CNTN4: variants seen among roughly 807,000 people sequenced by gnomAD.
The protein encoded by CNTN4 is contactin-4.
CNTN4 carries 77 observed loss-of-function variants against 122.5 expected under a neutral mutation model. The ratio of observed to expected loss-of-function variants is 0.63; its 90% CI spans 0.52 to 0.76. The LOEUF is 0.76. CNTN4 is among the 30% of genes least tolerant of loss of function. The probability of loss-of-function intolerance (pLI) is 0.00; values close to 1 mark genes in which losing one functional copy is unlikely to be tolerated. For missense variants in CNTN4, 1,256 were observed against 1,259.1 expected (o/e 1.00, Z 0.04); for synonymous variants, 512 against 447.0 (o/e 1.15, Z -1.83).
intron 13 of CNTN4, among the ~76,000 whole-genome samples, chr3:2,959,100 G>A (rs1284344870): frequency 2.6e-5 from 4 of 152,082 alleles, no homozygotes; most frequent in East Asian, 1.9e-4. Flanking sequence ...TTCCCCAGAC[G>A]GTGCTAAGTA....
At chr3:2,844,710 G>A (rs762066903) in intron 7 of CNTN4, among the ~76,000 whole-genome samples, 4 of 152,230 alleles carry the variant, frequency 2.6e-5, no homozygotes, top group African/African-American at 9.6e-5. Flanking sequence ...GGAAGCATAT[G>A]TAGAGACTTT....
At chr3:2,948,407 A>G (rs903748309) in intron 13 of CNTN4, among the ~76,000 whole-genome samples, 1 of 152,164 alleles carries the variant, frequency 6.6e-6, no homozygotes, top group Non-Finnish European at 1.5e-5. Flanking sequence ...ACTCATTTTG[A>G]TGAACTTGGG....
intron 2 of CNTN4, among the ~76,000 whole-genome samples, chr3:2,237,347 T>G (rs1165809606): frequency 1.3e-5 from 2 of 152,142 alleles, no homozygotes; most frequent in Non-Finnish European, 2.9e-5. Context: ...TGGTTACTCC[T>G]GTTTGTAGTC....
At chr3:2,924,920 A>G (rs6781913) in intron 12 of CNTN4, among the ~76,000 whole-genome samples, 61,889 of 152,024 alleles carry the variant, frequency 0.41, 13,296 homozygotes, top group East Asian at 0.7. Flanking sequence ...ATCAGAGAGC[A>G]AATGCTTTAA....
chr3:2,266,519 A>G (rs1157018497), intron 2 of CNTN4, among the ~76,000 whole-genome samples: 2 of 151,940 alleles, frequency 1.3e-5, no homozygotes, highest in African/African-American at 2.4e-5. Flanking sequence ...TCTCCCCCCA[A>G]CAAGATGGAG....
intron 3 of CNTN4, among the ~76,000 whole-genome samples, chr3:2,509,687 A>G (rs1288666091): frequency 6.6e-6 from 1 of 152,144 alleles, no homozygotes; most frequent in Non-Finnish European, 1.5e-5. Context: ...GTGTTGATCC[A>G]TTTTGCTTTT....
chr3:2,593,376 A>G (rs1029010493), intron 4 of CNTN4, among the ~76,000 whole-genome samples: 1 of 152,188 alleles, frequency 6.6e-6, no homozygotes, highest in African/African-American at 2.4e-5. Flanking sequence ...CAATTATCGG[A>G]TAGGTAGATA....
chr3:2,765,235 G>C (rs1044507592), intron 6 of CNTN4, among the ~76,000 whole-genome samples: 1 of 152,182 alleles, frequency 6.6e-6, no homozygotes, highest in Non-Finnish European at 1.5e-5. Context: ...AGAGGATAGG[G>C]TTTCAATATC....
At chr3:2,298,108 T>A (rs1294599864) in intron 2 of CNTN4, among the ~76,000 whole-genome samples, 1 of 152,182 alleles carries the variant, frequency 6.6e-6, no homozygotes. Context: ...TAGATGTTGG[T>A]TGAATGAACA....
intron 2 of CNTN4, chr3:2,239,168 T>A (rs2039825793): frequency 6.6e-6 from 1 of 152,184 alleles, no homozygotes; most frequent in Non-Finnish European, 1.5e-5. Flanking sequence ...ATCAATTTAT[T>A]TGATTCTTTT....
chr3:2,777,553 G>A (rs2149816802), intron 6 of CNTN4, among the ~76,000 whole-genome samples: 1 of 152,276 alleles, frequency 6.6e-6, no homozygotes, highest in East Asian at 1.9e-4. Context: ...ACCAATCAAG[G>A]CACCAGATCC....
chr3:2,193,758 G>C (rs538863625), intron 2 of CNTN4, among the ~76,000 whole-genome samples: 22 of 152,062 alleles, frequency 1.4e-4, no homozygotes, highest in Non-Finnish European at 2.8e-4. Flanking sequence ...TTATAATACT[G>C]TATTTTTACT....
At chr3:2,287,121 C>A (rs1210137639) in intron 2 of CNTN4, among the ~76,000 whole-genome samples, 1 of 152,130 alleles carries the variant, frequency 6.6e-6, no homozygotes, top group Non-Finnish European at 1.5e-5. Flanking sequence ...ATGATTTTAT[C>A]ATTTGATGGT....
At chr3:2,688,239 A>G (rs1576460969) in intron 4 of CNTN4, among the ~76,000 whole-genome samples, 1 of 152,170 alleles carries the variant, frequency 6.6e-6, no homozygotes, top group East Asian at 1.9e-4. Flanking sequence ...TGAGAGAAAT[A>G]GCTATTTTTT....
chr3:2,233,966 A>G (rs562524401), intron 2 of CNTN4, among the ~76,000 whole-genome samples: 5 of 152,258 alleles, frequency 3.3e-5, no homozygotes, highest in African/African-American at 1.2e-4. Context: ...TGCAATTAGT[A>G]TTGGTAATGC....
intron 3 of CNTN4, among the ~76,000 whole-genome samples, chr3:2,395,564 A>G (rs984318811): frequency 6.6e-6 from 1 of 152,096 alleles, no homozygotes; most frequent in Admixed American, 6.5e-5. Flanking sequence ...TGAGCATAGT[A>G]CTGAATAGGC....
At chr3:2,601,163 C>T in intron 4 of CNTN4, among the ~76,000 whole-genome samples, 1 of 152,154 alleles carries the variant, frequency 6.6e-6, no homozygotes, top group Non-Finnish European at 1.5e-5. Context: ...CCTGTTCACT[C>T]TGATGGTAGT....
chr3:2,481,387 C>T lies in CNTN4; in HGVS notation c.-88-90029C>T, dbSNP rs189753405. 5.3e-5 allele frequency among the ~76,000 whole-genome samples: 8 copies of T among 151,882 alleles called. No individual in the cohort carries two copies. In the East Asian group the frequency reaches 5.8e-4, roughly 11 times the overall value. On this transcript the variant is annotated intron_variant, in intron 3 of 24. Transcript: ENST00000418658. The stretch of plus-strand genomic sequence containing the variant: ...AACTTCTGACCTCAAGTGATCCACC[C>T]GCCTCGACCTCCCAAAGTGCTGGGA...
intron 4 of CNTN4, among the ~76,000 whole-genome samples, chr3:2,584,261 A>G (rs986569093): frequency 6.6e-5 from 10 of 152,302 alleles, no homozygotes; most frequent in African/African-American, 2.4e-4. Context: ...GGAATAAAGA[A>G]AAAAGGAAAA....
Sources: gnomAD v4.1 joint callset for allele counts (sites outside exome capture counted in the v4.1 genomes callset) on GRCh38, gnomAD v4.1.1 for gene constraint, MANE v1.5 for transcripts, NCBI Gene and HGNC (gene_info 2026-07-23, HGNC 2026-07-21) for gene names.